OIT3: variants seen among roughly 807,000 people sequenced by gnomAD.
OIT3 encodes the protein oncoprotein-induced transcript 3 protein.
In OIT3, 41 loss-of-function variants were observed where a neutral mutation model predicts 52.2. The ratio of observed to expected loss-of-function variants is 0.79; its 90% CI spans 0.61 to 1.02. The LOEUF is 1.02. OIT3 is among the 50% of genes least tolerant of loss of function. The pLI, the probability that OIT3 is intolerant of heterozygous loss-of-function variation, is 0.00. For synonymous variants in OIT3, 244 were observed against 276.9 expected (o/e 0.88, Z 1.18); for missense variants, 634 against 715.5 (o/e 0.89, Z 1.30).
chr10:72,924,146 A>G, intron 6 of OIT3, 83 bp from the exon 7 acceptor site: 1 of 1,189,202 alleles, frequency 8.4e-7, no homozygotes, highest in Non-Finnish European at 1.2e-6. Context: ...GGTAGATAGA[A>G]TGTTAAGGTG....
At chr10:72,932,251 T>C (rs1345321898) in intron 8 of OIT3, 103 bp from the exon 9 acceptor site, 3 of 1,028,700 alleles carry the variant, frequency 2.9e-6, no homozygotes, top group Non-Finnish European at 4.5e-6. Context: ...CTTGTTAAGA[T>C]TACATGACTT....
At chr10:72,918,805 G>T (rs115800335) in intron 6 of OIT3, among the ~76,000 whole-genome samples, 3,741 of 152,158 alleles carry the variant, frequency 0.025, 149 homozygotes, top group African/African-American at 0.086. Flanking sequence ...TCTTATTTCT[G>T]GGTTCTCTTT....
intron 6 of OIT3, among the ~76,000 whole-genome samples, chr10:72,916,490 C>G (rs1846074131): frequency 6.6e-6 from 1 of 152,188 alleles, no homozygotes; most frequent in Admixed American, 6.5e-5. Context: ...CCACTCCCTG[C>G]AAAGGACATG....
intron 1 of OIT3, among the ~76,000 whole-genome samples, chr10:72,894,606 C>T (rs567193139): frequency 7.9e-4 from 120 of 152,246 alleles, no homozygotes; most frequent in Admixed American, 1.7e-3. Flanking sequence ...TGGCCAGGCA[C>T]GGTGGCTCAC....
At position 72,924,456 on chromosome 10, in the gene OIT3, C is replaced by T. The variant is rs1483303262; in HGVS notation, c.1179C>T (p.Ile393=). The T allele has an allele frequency of 6.2e-7, 1 of 1,614,164 alleles. No individual in the cohort carries two copies. The highest frequency in any genetic ancestry group is 1.1e-5 in the South Asian group (1 of 91,084). ...GGATCTTCCCATTCACTCTGGAGATCTTCAAGGACAATGAGTTTGAAGAGC... is the reference window on the plus strand; with the variant it reads ...GGATCTTCCCATTCACTCTGGAGATTTTCAAGGACAATGAGTTTGAAGAGC... The part of the protein sequence containing the change: ...NHGIFPFTLE[I]FKDNEFEEPY... Residue 393 remains isoleucine, a synonymous_variant, in exon 7 of 9, where the codon ATC becomes ATT. Coordinates refer to ENST00000334011, the MANE Select transcript of OIT3 (RefSeq NM_152635.3).
chr10:72,898,100 T>G, intron 1 of OIT3, among the ~76,000 whole-genome samples: 1 of 145,274 alleles, frequency 6.9e-6, no homozygotes, highest in East Asian at 2.0e-4. Context: ...CTGGGCAAGA[T>G]GCCAAAACCC....
intron 4 of OIT3, among the ~76,000 whole-genome samples, 169 bp from the exon 5 acceptor site, chr10:72,911,548 G>A (rs576789844): frequency 6.6e-6 from 1 of 152,244 alleles, no homozygotes; most frequent in East Asian, 1.9e-4. Flanking sequence ...GCTCTTTGTA[G>A]CTATGATATT....
intron 2 of OIT3, among the ~76,000 whole-genome samples, chr10:72,899,725 ATAGATAG>A (rs1845913214): frequency 6.7e-6 from 1 of 150,212 alleles, no homozygotes; most frequent in Admixed American, 6.6e-5. Flanking sequence ...AGATAGATAG[ATAGATAG>A]ATAGATAGAT....
intron 6 of OIT3, chr10:72,918,495 G>A: frequency 1.5e-6 from 2 of 1,378,192 alleles, no homozygotes; most frequent in South Asian, 2.3e-5. Context: ...TAGTTCTGGG[G>A]CCTCAGGAGG....
In OIT3 at chr10:72,900,657, T is replaced by C. The variant is rs112131574; in HGVS notation, c.544+173T>C. On this transcript the variant is annotated intron_variant, in intron 3 of 8. Transcript: ENST00000334011. The stretch of plus-strand genomic sequence containing the variant: ...AAAGCCCCACGCCAAATTTGTATCA[T>C]GATTAGGGACAGCAGAGAATTGTGC... Among the ~76,000 whole-genome samples the C allele has an allele frequency of 6.0e-3, 920 of 152,312 alleles. 7 individuals carry two copies. The highest frequency in any genetic ancestry group is 0.02 in the African/African-American group (849 of 41,566).
At chr10:72,907,569 G>C (rs1003843354) in intron 4 of OIT3, among the ~76,000 whole-genome samples, 2 of 152,128 alleles carry the variant, frequency 1.3e-5, no homozygotes, top group African/African-American at 2.4e-5. Context: ...CCCTCTCCTG[G>C]AGCCTTGGCT....
chr10:72,919,711 G>A (rs540805637), intron 6 of OIT3, among the ~76,000 whole-genome samples: 2 of 152,186 alleles, frequency 1.3e-5, no homozygotes, highest in South Asian at 4.1e-4. Flanking sequence ...ATAATCATAT[G>A]GTTTTTGCCT....
intron 3 of OIT3, among the ~76,000 whole-genome samples, chr10:72,902,453 A>T (rs1454279134): frequency 6.6e-6 from 1 of 152,212 alleles, no homozygotes; most frequent in Non-Finnish European, 1.5e-5. Context: ...CATCCCAAGG[A>T]AACGGCTGTA....
At chr10:72,900,579 T>C in intron 3 of OIT3, 95 bp downstream of exon 3, 1 of 685,180 alleles carries the variant, frequency 1.5e-6, no homozygotes, top group Non-Finnish European at 2.6e-6. Context: ...TTTCCCAGTG[T>C]GTGTCTCCAA....
chr10:72,930,574 C>A lies in OIT3; in HGVS notation c.1404C>A (p.Ser468=). 1 of 1,613,816 alleles carries A rather than the reference C, an allele frequency of 6.2e-7. No individual in the cohort carries two copies. Among genetic ancestry groups the A allele is most frequent in the Non-Finnish European group, 8.5e-7 (1 of 1,179,846 alleles). ...VSDDSVKQYT[S]RDHLAKHFQV... ...ATGACTCGGTAAAGCAGTACACATC[C>A]CGGGATCACCTAGCAAAGCACTTCC... is the stretch of plus-strand genomic sequence containing the variant. The change falls in exon 8 of 9, where the codon TCC becomes TCA. Residue 468 remains serine, a synonymous_variant. Coordinates refer to ENST00000334011, the MANE Select transcript of OIT3 (RefSeq NM_152635.3).
chr10:72,922,914 C>T (rs907298092), intron 6 of OIT3, among the ~76,000 whole-genome samples: 1 of 152,006 alleles, frequency 6.6e-6, no homozygotes, highest in Non-Finnish European at 1.5e-5. Flanking sequence ...TCGCTCTTGT[C>T]ACCCAGGCTG....
chr10:72,924,571 T>C lies in OIT3; in HGVS notation c.1294T>C (p.Leu432=). 3 of 1,614,154 alleles carry C rather than the reference T, an allele frequency of 1.9e-6. No individual in the cohort carries two copies. Among genetic ancestry groups the C allele is most frequent in the Non-Finnish European group, 2.5e-6 (3 of 1,180,022 alleles). Residue 432 remains leucine (L), a synonymous_variant, in exon 7 of 9, where the codon TTG becomes CTG. Transcript: ENST00000334011. ...GGTGCACGTGAGCGGCTTGGAAAGC[T>C]TGGTGGAGAGCTGCTTTGCCACCCC... is the stretch of plus-strand genomic sequence containing the variant. ...PVVHVSGLES[L]VESCFATPTS... is the part of the protein sequence containing the mutation.
chr10:72,899,157 A>C, intron 2 of OIT3, 119 bp downstream of exon 2: 2 of 855,402 alleles, frequency 2.3e-6, no homozygotes, highest in Non-Finnish European at 1.8e-6. Context: ...AACAACATTG[A>C]TGTGGGGCTA....
chr10:72,928,804 G>A (rs1379181788), intron 7 of OIT3, among the ~76,000 whole-genome samples: 1 of 152,160 alleles, frequency 6.6e-6, no homozygotes, highest in Non-Finnish European at 1.5e-5. Flanking sequence ...ATCCCCTTCA[G>A]TTCAGTGGAA....
Sources: gnomAD v4.1 joint callset for allele counts (sites outside exome capture counted in the v4.1 genomes callset) on GRCh38, gnomAD v4.1.1 for gene constraint, MANE v1.5 for transcripts, NCBI Gene and HGNC (gene_info 2026-07-23, HGNC 2026-07-21) for gene names.